Variants in NUP42 observed in about 807,000 individuals in gnomAD.
NUP42 encodes the protein nucleoporin NUP42.
A neutral mutation model predicts 35.9 loss-of-function variants in NUP42; 47 were observed. That is an observed-to-expected ratio of 1.31 (90% CI 1.04 to 1.67). The LOEUF is 1.67. NUP42 is among the 40% of genes most tolerant of loss of function. The pLI is 0.00. For synonymous variants in NUP42, 173 were observed against 173.3 expected (o/e 1.00, Z 0.01); for missense variants, 514 against 492.2 (o/e 1.04, Z -0.42).
At chr7:23,183,775 AAAAG>A (rs1425837761) in intron 1 of NUP42, among the ~76,000 whole-genome samples, 5 of 149,838 alleles carry the variant, frequency 3.3e-5, no homozygotes, top group Non-Finnish European at 5.9e-5. Flanking sequence ...AAAAAAAAAA[AAAAG>A]GAGGAAGTGA....
intron 1 of NUP42, among the ~76,000 whole-genome samples, chr7:23,184,223 G>A (rs1257075312): frequency 1.3e-5 from 2 of 152,142 alleles, no homozygotes; most frequent in Non-Finnish European, 2.9e-5. Context: ...GTGAAAATAG[G>A]TGTGTAGGTG....
At chr7:23,199,394 A>G (rs1417802665) in intron 5 of NUP42, 64 bp from the exon 6 acceptor site, 1 of 1,310,754 alleles carries the variant, frequency 7.6e-7, no homozygotes, top group Non-Finnish European at 1.1e-6. Context: ...CATAAAGTGT[A>G]TAGAAAAGAT....
At chr7:23,196,476 C>G in intron 4 of NUP42, 1 of 516,866 alleles carries the variant, frequency 1.9e-6, no homozygotes, top group South Asian at 2.2e-5. Flanking sequence ...CCAGATGATA[C>G]AAGGAGTTGA....
rs145987368 is a variant in NUP42 at position 23,182,192 on chromosome 7, A to G, written c.107A>G (p.Gln36Arg). The change falls in exon 1 of 7, where the codon CAG (glutamine) becomes CGG (arginine). Residue 36 changes from glutamine (Q) to arginine (R), a missense_variant. Gln to Arg is a conservative substitution (Grantham distance 43). Coordinates refer to ENST00000258742, the MANE Select transcript of NUP42 (RefSeq NM_007342.3). ...GCAGGAGGAGGACGGCAGCAACCGC[A>G]GCAGCAGCCTTCAGGTGACTCTCCT... ...RGAGGGRQQP[Q>R]QQPSGNNRRG... 1 of 1,606,022 alleles carries G rather than the reference A, an allele frequency of 6.2e-7. No homozygotes were observed. Among genetic ancestry groups the G allele is most frequent in the Non-Finnish European group, 8.5e-7 (1 of 1,174,794 alleles).
At chr7:23,195,653 C>A in intron 3 of NUP42, 186 bp from the exon 4 acceptor site, 1 of 472,170 alleles carries the variant, frequency 2.1e-6, no homozygotes, top group Non-Finnish European at 3.7e-6. Context: ...TCAGAATAAC[C>A]AACTATATTT....
At position 23,196,784 on chromosome 7, in the gene NUP42, T is replaced by G. The variant is rs771166226; in HGVS notation, c.609+18T>G. Reference sequence around the variant, plus strand: ...TAGCTTTGGTGAGTATGGGAGAGTTTTCTTGAGGGAAGTGTCTTACCTATT... The same window carrying G: ...TAGCTTTGGTGAGTATGGGAGAGTTGTCTTGAGGGAAGTGTCTTACCTATT... On this transcript the variant is annotated intron_variant, in intron 5 of 6. Transcript: ENST00000258742. The G allele has an allele frequency of 6.6e-7, 1 of 1,525,556 alleles. No individual in the cohort carries two copies. Among genetic ancestry groups the G allele is most frequent in the Non-Finnish European group, 9.1e-7 (1 of 1,100,880 alleles). The allele number at this position is 1,525,556 out of a possible 1,614,324, so 94.5% of individuals were successfully genotyped here.
intron 1 of NUP42, among the ~76,000 whole-genome samples, chr7:23,184,314 G>A (rs919206901): frequency 1.3e-5 from 2 of 152,080 alleles, no homozygotes; most frequent in Non-Finnish European, 2.9e-5. Context: ...TTTCATATTC[G>A]AGAAACTTTA....
At chr7:23,182,338 G>T (rs1270568268) in intron 1 of NUP42, 132 bp downstream of exon 1, 12 of 1,459,236 alleles carry the variant, frequency 8.2e-6, no homozygotes, top group Non-Finnish European at 1.1e-5. Flanking sequence ...GCCCTACTGG[G>T]CCCTGCACAA....
At chr7:23,199,582 A>G (rs1425583970) in intron 6 of NUP42, 40 bp downstream of exon 6, 1 of 1,530,162 alleles carries the variant, frequency 6.5e-7, no homozygotes, top group Non-Finnish European at 9.1e-7. Context: ...TGATTTAGAA[A>G]AATTAGATTT....
chr7:23,187,031 T>TC, intron 2 of NUP42, 21 bp from the exon 3 acceptor site: 1 of 1,516,896 alleles, frequency 6.6e-7, no homozygotes, highest in Non-Finnish European at 8.9e-7. Flanking sequence ...TTTACTCTTT[T>TC]TTTTTTTTTC....
chr7:23,199,942 C>T (rs1022445262), intron 6 of NUP42, among the ~76,000 whole-genome samples: 55 of 152,024 alleles, frequency 3.6e-4, no homozygotes, highest in African/African-American at 1.1e-3. Flanking sequence ...GGGTGAAGGT[C>T]GATCAAGGTG....
intron 3 of NUP42, among the ~76,000 whole-genome samples, chr7:23,191,695 C>T (rs1785799028): frequency 1.3e-5 from 2 of 152,182 alleles, no homozygotes; most frequent in Admixed American, 6.5e-5. Flanking sequence ...ATAAAAGTTA[C>T]AGCTTTTGGG....
chr7:23,187,948 CT>C, intron 3 of NUP42: 1 of 539,870 alleles, frequency 1.9e-6, no homozygotes, highest in South Asian at 3.0e-5. Flanking sequence ...CTCTCTCTCT[CT>C]CTCTGGCCTG....
chr7:23,197,162 G>T, intron 5 of NUP42: 1 of 1,275,004 alleles, frequency 7.8e-7, no homozygotes, highest in Non-Finnish European at 1.0e-6. Context: ...TATGTTCCTT[G>T]TCTTAAACAG....
At chr7:23,193,765 G>T (rs551572404) in intron 3 of NUP42, among the ~76,000 whole-genome samples, 65 of 152,364 alleles carry the variant, frequency 4.3e-4, no homozygotes, top group Non-Finnish European at 8.2e-4. Flanking sequence ...ATGGGACTGG[G>T]TGCCGGTGGA....
Position 23,182,107 on chromosome 7 carries a change from C to T in NUP42, c.22C>T (p.Leu8Phe), listed in dbSNP as rs923993257. 6.2e-7 allele frequency: 1 copy of T among 1,614,156 alleles called. No individual in the cohort carries two copies. The highest frequency in any genetic ancestry group is 8.5e-7 in the Non-Finnish European group (1 of 1,180,042). ...CGCAATGGCCATTTGTCAATTCTTCCTTCAAGGCCGGTGCCGCTTTGGAGA... is the reference window on the plus strand; with the variant it reads ...CGCAATGGCCATTTGTCAATTCTTCTTTCAAGGCCGGTGCCGCTTTGGAGA... MAICQFF[L>F]QGRCRFGDRC... The change falls in exon 1 of 7, where the codon CTT becomes TTT. Residue 8 changes from leucine (L) to phenylalanine (F), a missense_variant. Transcript: ENST00000258742.
intron 3 of NUP42, among the ~76,000 whole-genome samples, chr7:23,191,891 C>T (rs1332045027): frequency 6.6e-6 from 1 of 151,964 alleles, no homozygotes; most frequent in Non-Finnish European, 1.5e-5. Flanking sequence ...TCACTGGAGC[C>T]TAGGAAGTCA....
At chr7:23,188,116 G>T in intron 3 of NUP42, 1 of 1,377,358 alleles carries the variant, frequency 7.3e-7, no homozygotes, top group South Asian at 1.9e-5. Flanking sequence ...CCGTCCTTTT[G>T]AGGAAACAGT....
intron 2 of NUP42, among the ~76,000 whole-genome samples, chr7:23,186,292 A>G (rs1785593434): frequency 6.6e-6 from 1 of 152,230 alleles, no homozygotes; most frequent in South Asian, 2.1e-4. Flanking sequence ...AGTTGTAGAC[A>G]TGTTGAGTCA....
Sources: allele counts gnomAD v4.1 joint callset (sites outside exome capture counted in the v4.1 genomes callset), GRCh38; gene constraint gnomAD v4.1.1; transcripts MANE v1.5; gene names NCBI Gene and HGNC (gene_info 2026-07-23, HGNC 2026-07-21).